The following ARHGAP15 variants were observed in gnomAD, a reference collection of about 807,000 sequenced individuals.
ARHGAP15 encodes Rho GTPase activating protein 15, also known as rho GTPase-activating protein 15.
In ARHGAP15, 51 loss-of-function variants were observed where a neutral mutation model predicts 63.7. That is an observed-to-expected ratio of 0.80 (90% CI 0.64 to 1.01). ARHGAP15 has a LOEUF of 1.01. ARHGAP15 is among the 50% of genes least tolerant of loss of function. The pLI is 0.00. For missense variants in ARHGAP15, 560 were observed against 564.6 expected, an observed-to-expected ratio of 0.99 and a Z score of 0.08; for synonymous variants, 191 against 193.8, an observed-to-expected ratio of 0.99 and a Z score of 0.12.
At chr2:143,324,986 A>G (rs1275826949) in intron 6 of ARHGAP15, among the ~76,000 whole-genome samples, 2 of 152,172 alleles carry the variant, frequency 1.3e-5, no homozygotes, top group Non-Finnish European at 2.9e-5. Context: ...CATGTGCACA[A>G]TAGGTCACAA....
intron 13 of ARHGAP15, among the ~76,000 whole-genome samples, chr2:143,746,293 CA>C (rs35276309): frequency 4.0e-5 from 6 of 150,398 alleles, no homozygotes; most frequent in Non-Finnish European, 5.9e-5. Flanking sequence ...ATTCCTTTTT[CA>C]AAAAAAAACC....
In ARHGAP15 at chr2:143,493,519, A is replaced by G. The variant is rs1326010217; in HGVS notation, c.826+6024A>G. ...AGTCTGATTCATTTTTCCATTTTGA[A>G]TTTCCTGCACAGTGTTCTTCCCCTA... is the stretch of plus-strand genomic sequence containing the variant. On this transcript the variant is annotated intron_variant, in intron 9 of 13. Coordinates refer to ENST00000295095, the MANE Select transcript of ARHGAP15 (RefSeq NM_018460.4). Among the ~76,000 whole-genome samples, 2 of 152,038 alleles carry G rather than the reference A, an allele frequency of 1.3e-5. 1 individual carries two copies. Among genetic ancestry groups the G allele is most frequent in the Non-Finnish European group, 2.9e-5 (2 of 68,006 alleles).
intron 8 of ARHGAP15, among the ~76,000 whole-genome samples, chr2:143,466,199 A>G (rs1028810170): frequency 6.6e-6 from 1 of 152,056 alleles, no homozygotes; most frequent in African/African-American, 2.4e-5. Flanking sequence ...TCAGTCTGTC[A>G]TGGTTCTCTA....
At chr2:143,471,830 C>T (rs1002468401) in intron 8 of ARHGAP15, 12 of 152,162 alleles carry the variant, frequency 7.9e-5, no homozygotes, top group African/African-American at 2.9e-4. Flanking sequence ...CCAGGAGACA[C>T]TCATTTTGAG....
At chr2:143,302,265 C>G (rs1190886179) in intron 6 of ARHGAP15, among the ~76,000 whole-genome samples, 1 of 151,864 alleles carries the variant, frequency 6.6e-6, no homozygotes, top group Non-Finnish European at 1.5e-5. Context: ...AATATCACCC[C>G]CTCCACAATC....
At chr2:143,669,865 A>G (rs1303201997) in intron 12 of ARHGAP15, among the ~76,000 whole-genome samples, 1 of 152,228 alleles carries the variant, frequency 6.6e-6, no homozygotes, top group East Asian at 1.9e-4. Flanking sequence ...GCCAGGATAT[A>G]TCTGATCTGA....
chr2:143,221,833 G>A (rs1055619947), intron 4 of ARHGAP15, among the ~76,000 whole-genome samples: 1 of 152,110 alleles, frequency 6.6e-6, no homozygotes, highest in Non-Finnish European at 1.5e-5. Context: ...GAAAAGAAAT[G>A]CAGAAAAAAG....
chr2:143,223,308 C>T (rs1426912825), intron 4 of ARHGAP15, among the ~76,000 whole-genome samples: 1 of 152,096 alleles, frequency 6.6e-6, no homozygotes, highest in East Asian at 1.9e-4. Flanking sequence ...GGATTTGTCT[C>T]CTGCATGGAA....
Position 143,155,516 on chromosome 2 carries a change from C to T in ARHGAP15, c.26C>T (p.Thr9Ile). The change falls in exon 2 of 14, where the codon ACT (threonine) becomes ATT (isoleucine). Residue 9 changes from threonine to isoleucine, a missense_variant. Thr to Ile is a moderately conservative substitution (Grantham distance 89). Coordinates refer to ENST00000295095, the MANE Select transcript of ARHGAP15 (RefSeq NM_018460.4). MQKSTNSD[T>I]SVETLNSTRQ... is the part of the protein sequence containing the mutation. ...ATGCAGAAATCTACAAATTCTGATA[C>T]TTCCGTGGAAACACTGAATTCTACC... 6.2e-7 allele frequency: 1 copy of T among 1,607,556 alleles called. No individual in the cohort carries two copies. Among genetic ancestry groups the T allele is most frequent in the Admixed American group, 1.7e-5 (1 of 58,402 alleles).
At chr2:143,673,593 C>T (rs904211448) in intron 12 of ARHGAP15, among the ~76,000 whole-genome samples, 23 of 150,800 alleles carry the variant, frequency 1.5e-4, no homozygotes, top group African/African-American at 5.6e-4. Context: ...CCACCACACC[C>T]GGCCTACCAC....
intron 5 of ARHGAP15, among the ~76,000 whole-genome samples, chr2:143,239,419 T>G (rs1693773413): frequency 6.6e-6 from 1 of 152,202 alleles, no homozygotes; most frequent in Non-Finnish European, 1.5e-5. Context: ...AATAGAATTT[T>G]GTACTCTTTG....
In ARHGAP15 at chr2:143,232,691, C is replaced by G. The variant is rs146446747; in HGVS notation, c.384+4023C>G. 1.8e-4 allele frequency among the ~76,000 whole-genome samples: 27 copies of G among 152,276 alleles called. No homozygotes were observed. The East Asian group carries it at 5.2e-3, about 29-fold the overall frequency. Reference sequence around the variant, plus strand: ...TGTCCCTTTGTCATCATAGCCTCTTCCCTTCTCTGGAGTTAGCCAAGAACC... The same window carrying G: ...TGTCCCTTTGTCATCATAGCCTCTTGCCTTCTCTGGAGTTAGCCAAGAACC... On this transcript the variant is annotated intron_variant, in intron 5 of 13. Transcript: ENST00000295095.
At chr2:143,375,082 G>C (rs1033183059) in intron 6 of ARHGAP15, among the ~76,000 whole-genome samples, 2 of 152,188 alleles carry the variant, frequency 1.3e-5, no homozygotes, top group Non-Finnish European at 2.9e-5. Context: ...GTTAATCACA[G>C]ATGTGGACAT....
In ARHGAP15 at chr2:143,345,638, T is replaced by C. The variant is rs149545872; in HGVS notation, c.475-89963T>C. ...TCACACACATTGCCTAAATTCAGTT[T>C]CTTTCATTTTTTTGCAGGCTTTGGG... is the stretch of plus-strand genomic sequence containing the variant. On this transcript the variant is annotated intron_variant, in intron 6 of 13. Transcript: ENST00000295095. Among the ~76,000 whole-genome samples, 613 of 152,266 alleles carry C rather than the reference T, an allele frequency of 4.0e-3. 2 individuals carry two copies. The highest frequency in any genetic ancestry group is 6.5e-3 in the Non-Finnish European group (439 of 68,006).
intron 6 of ARHGAP15, among the ~76,000 whole-genome samples, chr2:143,413,966 T>TGTGTGTGTGTGTGCGCGCGCGCGCGC: frequency 2.0e-4 from 24 of 117,922 alleles, no homozygotes; most frequent in African/African-American, 7.1e-4. Context: ...TGTGTGTGTG[T>TGTGTGTGTGTGTGCGCGCGCGCGCGC]GCGCGCTCTC....
intron 12 of ARHGAP15, among the ~76,000 whole-genome samples, chr2:143,650,081 AAG>A (rs1299535411): frequency 6.6e-6 from 1 of 151,842 alleles, no homozygotes; most frequent in Non-Finnish European, 1.5e-5. Flanking sequence ...TCAGTAAACT[AAG>A]TAGTCAATTT....
intron 4 of ARHGAP15, among the ~76,000 whole-genome samples, chr2:143,226,114 C>T (rs538628849): frequency 9.2e-5 from 14 of 152,048 alleles, no homozygotes; most frequent in African/African-American, 3.1e-4. Context: ...CAGTTCTTAC[C>T]CTCTTCAGTT....
At chr2:143,485,274 G>A (rs1475990931) in intron 8 of ARHGAP15, among the ~76,000 whole-genome samples, 2 of 152,014 alleles carry the variant, frequency 1.3e-5, no homozygotes, top group African/African-American at 2.4e-5. Context: ...CTGGTGTGTG[G>A]TGTTGTCCTC....
chr2:143,400,758 A>C (rs904987927), intron 6 of ARHGAP15, among the ~76,000 whole-genome samples: 3 of 152,042 alleles, frequency 2.0e-5, no homozygotes, highest in Non-Finnish European at 4.4e-5. Flanking sequence ...CAAATAGTTA[A>C]GATGACATAT....
Sources: gnomAD v4.1 joint callset for allele counts (sites outside exome capture counted in the v4.1 genomes callset) on GRCh38, gnomAD v4.1.1 for gene constraint, MANE v1.5 for transcripts, NCBI Gene and HGNC (gene_info 2026-07-23, HGNC 2026-07-21) for gene names.